RNF144A: variants seen among roughly 807,000 people sequenced by gnomAD.
The protein encoded by RNF144A is E3 ubiquitin-protein ligase RNF144A.
In RNF144A, 11 loss-of-function variants were observed where a neutral mutation model predicts 38.7. The ratio of observed to expected loss-of-function variants is 0.28; its 90% CI spans 0.18 to 0.47. RNF144A has a LOEUF of 0.47. Ranked by LOEUF, RNF144A falls within the 20% of genes least tolerant of loss-of-function variation. RNF144A has a pLI of 0.99. For synonymous variants in RNF144A, 149 were observed against 143.9 expected (o/e 1.04, Z -0.25); for missense variants, 316 against 377.2 (o/e 0.84, Z 1.34).
chr2:7,064,633 A>C (rs1674122305), intron 6 of RNF144A, among the ~76,000 whole-genome samples: 1 of 152,198 alleles, frequency 6.6e-6, no homozygotes, highest in African/African-American at 2.4e-5. Flanking sequence ...ATGAACAATG[A>C]GCACGGACCA....
intron 6 of RNF144A, among the ~76,000 whole-genome samples, chr2:7,021,375 C>T (rs1671520410): frequency 6.6e-6 from 1 of 152,140 alleles, no homozygotes; most frequent in African/African-American, 2.4e-5. Context: ...ACCAGCTGCT[C>T]CCTGTGCGCC....
At chr2:7,013,584 T>G (rs540747291) in intron 3 of RNF144A, among the ~76,000 whole-genome samples, 1 of 152,210 alleles carries the variant, frequency 6.6e-6, no homozygotes, top group Admixed American at 6.5e-5. Context: ...TCTATGCTCT[T>G]TGAGTTCTTA....
rs1672979677 is a variant in RNF144A at position 7,040,502 on chromosome 2, C to T, written c.*742C>T. 2.4e-5 allele frequency: 24 copies of T among 985,372 alleles called. No homozygotes were observed. Among genetic ancestry groups the T allele is most frequent in the Non-Finnish European group, 2.9e-5 (24 of 829,858 alleles). The allele number at this position is 985,372 out of a possible 1,614,324, so 61.0% of individuals were successfully genotyped here. Reference sequence around the variant, plus strand: ...GATAATATTGACGTGTTTAAAGGAACATCTCATCTCCATTAGATTTGCCTT... The same window carrying T: ...GATAATATTGACGTGTTTAAAGGAATATCTCATCTCCATTAGATTTGCCTT... On this transcript the variant is annotated 3_prime_UTR_variant, in exon 9 of 9. Coordinates refer to ENST00000320892, the MANE Select transcript of RNF144A (RefSeq NM_014746.6).
At chr2:6,919,458 A>C (rs187600652) in intron 1 of RNF144A, among the ~76,000 whole-genome samples, 31 of 152,310 alleles carry the variant, frequency 2.0e-4, no homozygotes, top group African/African-American at 7.2e-4. Context: ...TCAGAAGAGG[A>C]TAAATCATGA....
At chr2:6,931,791 A>G (rs1427051111) in intron 1 of RNF144A, among the ~76,000 whole-genome samples, 1 of 152,090 alleles carries the variant, frequency 6.6e-6, no homozygotes. Context: ...ATATGAGGCC[A>G]TACTTTGTAT....
At chr2:7,057,863 T>C (rs1490185198) in intron 6 of RNF144A, among the ~76,000 whole-genome samples, 1 of 152,242 alleles carries the variant, frequency 6.6e-6, no homozygotes, top group East Asian at 1.9e-4. Flanking sequence ...AGCAGAGATT[T>C]ATTAGTGGAC....
chr2:7,000,027 T>C (rs1056250021), intron 3 of RNF144A, among the ~76,000 whole-genome samples: 1 of 152,136 alleles, frequency 6.6e-6, no homozygotes, highest in South Asian at 2.1e-4. Context: ...TGTATTTCAG[T>C]GTGAAAGGGA....
At chr2:6,942,703 G>A (rs1666083267) in intron 2 of RNF144A, among the ~76,000 whole-genome samples, 1 of 152,224 alleles carries the variant, frequency 6.6e-6, no homozygotes, top group Admixed American at 6.5e-5. Flanking sequence ...GGATTCAGAG[G>A]CCGGGTGCGG....
At chr2:6,995,633 CAGG>C (rs1011689160) in intron 2 of RNF144A, among the ~76,000 whole-genome samples, 84 of 152,316 alleles carry the variant, frequency 5.5e-4, no homozygotes, top group African/African-American at 1.8e-3. Context: ...AAGCCCAGCA[CAGG>C]AGAACGACAG....
chr2:7,016,104 TAA>T (rs35418947), intron 5 of RNF144A, among the ~76,000 whole-genome samples: 14 of 115,082 alleles, frequency 1.2e-4, no homozygotes, highest in East Asian at 2.3e-4. Context: ...ACCCCGTCTC[TAA>T]AAAAAAAAAA....
chr2:7,049,360 G>T (rs1673428908), intron 6 of RNF144A, among the ~76,000 whole-genome samples: 1 of 152,210 alleles, frequency 6.6e-6, no homozygotes, highest in Non-Finnish European at 1.5e-5. Context: ...AGGTGAAATT[G>T]GCTGTATATA....
chr2:7,076,272 T>G, the RNF144A span, among the ~76,000 whole-genome samples: 1 of 152,260 alleles, frequency 6.6e-6, no homozygotes, highest in African/African-American at 2.4e-5. Flanking sequence ...TGTACTAAAA[T>G]GATACTGCAA....
intron 8 of RNF144A, among the ~76,000 whole-genome samples, chr2:7,031,065 A>G (rs1672266621): frequency 6.6e-6 from 1 of 152,116 alleles, no homozygotes. Flanking sequence ...AGCTGTAAAT[A>G]CAGATGAAGG....
chr2:7,073,928 C>G, the RNF144A span, among the ~76,000 whole-genome samples: 1 of 152,234 alleles, frequency 6.6e-6, no homozygotes, highest in African/African-American at 2.4e-5. Context: ...TTCCCCAGTT[C>G]TCTTGTTCTC....
At chr2:6,951,630 A>AT (rs1454898080) in intron 2 of RNF144A, among the ~76,000 whole-genome samples, 1 of 152,158 alleles carries the variant, frequency 6.6e-6, no homozygotes, top group Non-Finnish European at 1.5e-5. Flanking sequence ...TATGTCTGAA[A>AT]TTTCTATGTT....
chr2:7,060,954 A>G (rs970430921), intron 6 of RNF144A, among the ~76,000 whole-genome samples: 1 of 152,150 alleles, frequency 6.6e-6, no homozygotes, highest in African/African-American at 2.4e-5. Flanking sequence ...CCTGAGTCTA[A>G]TAGTTTGTTT....
At chr2:7,036,508 A>G (rs1019215949) in intron 8 of RNF144A, among the ~76,000 whole-genome samples, 10 of 152,182 alleles carry the variant, frequency 6.6e-5, no homozygotes, top group African/African-American at 2.4e-4. Context: ...TGACTGTTCT[A>G]AGGGTATTTC....
chr2:6,974,573 T>C (rs1192162471), intron 2 of RNF144A, among the ~76,000 whole-genome samples: 1 of 152,096 alleles, frequency 6.6e-6, no homozygotes, highest in African/African-American at 2.4e-5. Flanking sequence ...TTTTTTCTTA[T>C]GGGAAAAAGA....
intron 7 of RNF144A, among the ~76,000 whole-genome samples, chr2:7,028,868 G>A (rs988681079): frequency 6.6e-6 from 1 of 152,182 alleles, no homozygotes; most frequent in African/African-American, 2.4e-5. Context: ...TGGTAGCTGG[G>A]ACCCCAGCCC....
Sources: allele counts gnomAD v4.1 joint callset (sites outside exome capture counted in the v4.1 genomes callset), GRCh38; gene constraint gnomAD v4.1.1; transcripts MANE v1.5; gene names NCBI Gene and HGNC (gene_info 2026-07-23, HGNC 2026-07-21).